KAZN: variants seen among roughly 807,000 people sequenced by gnomAD.
KAZN encodes kazrin, periplakin interacting protein, also known as kazrin.
A neutral mutation model predicts 87.4 loss-of-function variants in KAZN; 40 were observed. The ratio of observed to expected loss-of-function variants is 0.46; its 90% CI spans 0.36 to 0.60. The LOEUF is 0.60. Among genes scored for constraint, KAZN ranks in the 20% least tolerant of loss-of-function variants. The pLI is 0.00. For missense variants in KAZN, 898 were observed against 1,073.9 expected, an observed-to-expected ratio of 0.84 and a Z score of 2.29; for synonymous variants, 466 against 458.3, an observed-to-expected ratio of 1.02 and a Z score of -0.22.
chr1:14,496,142 T>C (rs1669929065), intron 2 of KAZN, among the ~76,000 whole-genome samples: 1 of 152,218 alleles, frequency 6.6e-6, no homozygotes, highest in African/African-American at 2.4e-5. Flanking sequence ...ATGTGGTTAT[T>C]TTGAATAAAT....
chr1:14,356,639 C>T (rs1162208547), intron 2 of KAZN, among the ~76,000 whole-genome samples: 2 of 152,184 alleles, frequency 1.3e-5, no homozygotes, highest in African/African-American at 2.4e-5. Flanking sequence ...CAGTTTTCTG[C>T]ATATGGCTAG....
intron 1 of KAZN, among the ~76,000 whole-genome samples, chr1:14,132,091 G>A (rs924295721): frequency 1.3e-5 from 2 of 152,108 alleles, no homozygotes; most frequent in African/African-American, 4.8e-5. Context: ...TAATGAAACT[G>A]GTTACTGCTA....
At chr1:14,156,311 C>T (rs1036893275) in intron 1 of KAZN, among the ~76,000 whole-genome samples, 13 of 152,246 alleles carry the variant, frequency 8.5e-5, no homozygotes, top group East Asian at 3.9e-4. Flanking sequence ...GAATATTCTG[C>T]GGCTGTTGCA....
At chr1:14,833,004 T>C (rs2100887045) in intron 1 of KAZN, among the ~76,000 whole-genome samples, 1 of 152,350 alleles carries the variant, frequency 6.6e-6, no homozygotes, top group South Asian at 2.1e-4. Context: ...TATTTATTCA[T>C]CTAAAATTTT....
At chr1:14,664,918 G>T (rs976086709) in intron 1 of KAZN, among the ~76,000 whole-genome samples, 3 of 152,140 alleles carry the variant, frequency 2.0e-5, no homozygotes, top group African/African-American at 7.2e-5. Context: ...GCCTCCCAAA[G>T]TGCTGGGATT....
chr1:15,089,180 T>TG (rs2100660583), intron 8 of KAZN, among the ~76,000 whole-genome samples: 1 of 152,276 alleles, frequency 6.6e-6, no homozygotes, highest in South Asian at 2.1e-4. Context: ...TCCCCTCTTC[T>TG]GGGGGACTCA....
At chr1:14,548,268 G>A (rs978928276) in intron 2 of KAZN, among the ~76,000 whole-genome samples, 22 of 148,982 alleles carry the variant, frequency 1.5e-4, no homozygotes, top group Non-Finnish European at 2.8e-4. Flanking sequence ...GTGCGATCTC[G>A]GCTCACTGCA....
At chr1:14,441,476 C>A (rs190873274) in intron 2 of KAZN, among the ~76,000 whole-genome samples, 1 of 152,144 alleles carries the variant, frequency 6.6e-6, no homozygotes, top group Non-Finnish European at 1.5e-5. Context: ...GTGAGGCCAG[C>A]GACATTTTAC....
At chr1:15,112,633 C>A in intron 14 of KAZN, 92 bp downstream of exon 14, 1 of 900,520 alleles carries the variant, frequency 1.1e-6, no homozygotes, top group Non-Finnish European at 1.7e-6. Flanking sequence ...CCTGTGCTGG[C>A]CTGTGAAGGT....
chr1:14,725,643 G>A (rs1052847932), intron 1 of KAZN, among the ~76,000 whole-genome samples: 8 of 152,126 alleles, frequency 5.3e-5, no homozygotes, highest in South Asian at 2.1e-4. Context: ...TGTTGCCCAC[G>A]TTCATTGCCC....
intron 4 of KAZN, among the ~76,000 whole-genome samples, chr1:15,050,032 AGGGTAGG>A (rs1674140325): frequency 3.9e-5 from 3 of 76,516 alleles, no homozygotes; most frequent in Non-Finnish European, 4.8e-5. Context: ...AGAGTAGGGT[AGGGTAGG>A]GTAGGGTAGG....
At chr1:14,967,911 T>A (rs1334992571) in intron 2 of KAZN, among the ~76,000 whole-genome samples, 1 of 152,160 alleles carries the variant, frequency 6.6e-6, no homozygotes, top group African/African-American at 2.4e-5. Context: ...TTAATTTGTA[T>A]TATGTTAGGC....
chr1:15,026,311 C>T (rs1671153129), intron 2 of KAZN, among the ~76,000 whole-genome samples: 1 of 152,184 alleles, frequency 6.6e-6, no homozygotes, highest in Admixed American at 6.5e-5. Flanking sequence ...CACATAGAGC[C>T]TTGCCAGGTG....
intron 1 of KAZN, among the ~76,000 whole-genome samples, chr1:14,935,895 C>T (rs868443661): frequency 6.6e-5 from 10 of 152,204 alleles, no homozygotes; most frequent in Non-Finnish European, 7.3e-5. Flanking sequence ...ATAGCACCCC[C>T]GCCCCATCTT....
chr1:14,854,991 C>T (rs1649898606), intron 1 of KAZN, among the ~76,000 whole-genome samples: 2 of 152,102 alleles, frequency 1.3e-5, no homozygotes, highest in South Asian at 4.1e-4. Flanking sequence ...GCTCACCTGG[C>T]TGTGGAGGCG....
rs1233896400 is a variant in KAZN at position 15,021,347 on chromosome 1, T to TC, written c.419-13397dup. Among the ~76,000 whole-genome samples the TC allele has an allele frequency of 2.5e-4, 38 of 151,796 alleles. No homozygotes were observed. The highest frequency in any genetic ancestry group is 8.7e-4 in the African/African-American group (36 of 41,278). On this transcript the variant is annotated intron_variant, in intron 2 of 14. Coordinates refer to ENST00000376030, the MANE Select transcript of KAZN (RefSeq NM_201628.3). This position sits in a 1 kb window ranked among gnomAD's most constrained non-coding sequence, Gnocchi z 4.2. ...TATTGCATTTCCAGAAATCTCCATT[T>TC]CCCCCTCCCGCTTCAACCTAGGGAA...
chr1:14,792,974 C>CAAAAAA (rs1338876410), intron 1 of KAZN, among the ~76,000 whole-genome samples: 2 of 108,918 alleles, frequency 1.8e-5, no homozygotes, highest in African/African-American at 3.6e-5. Flanking sequence ...GACTCTGTCT[C>CAAAAAA]AAAAAAAAAA....
intron 2 of KAZN, among the ~76,000 whole-genome samples, chr1:14,231,509 G>T (rs183187344): frequency 6.6e-6 from 1 of 152,280 alleles, no homozygotes; most frequent in Admixed American, 6.5e-5. Context: ...TGGTGTGTTA[G>T]AAAGAGCCAA....
intron 2 of KAZN, among the ~76,000 whole-genome samples, chr1:14,316,399 C>T (rs1655660926): frequency 6.6e-6 from 1 of 151,934 alleles, no homozygotes; most frequent in South Asian, 2.1e-4. Context: ...TGCAGGGTCT[C>T]TAGTGATGTC....
Sources: allele counts gnomAD v4.1 joint callset (sites outside exome capture counted in the v4.1 genomes callset), GRCh38; gene constraint gnomAD v4.1.1; non-coding constraint Gnocchi (gnomAD v3.1); transcripts MANE v1.5; gene names NCBI Gene and HGNC (gene_info 2026-07-23, HGNC 2026-07-21).